FTO: variants seen among roughly 807,000 people sequenced by gnomAD.
FTO encodes FTO alpha-ketoglutarate dependent dioxygenase, also known as alpha-ketoglutarate-dependent dioxygenase FTO.
In FTO, 47 loss-of-function variants were observed where a neutral mutation model predicts 63.9. The observed-to-expected ratio is 0.74, with a 90% CI of 0.58 to 0.94. The LOEUF is 0.94. FTO is among the 40% of genes least tolerant of loss of function. The pLI is 0.00. For synonymous variants in FTO, 207 were observed against 224.4 expected (o/e 0.92, Z 0.69); for missense variants, 562 against 618.1 (o/e 0.91, Z 0.96).
intron 5 of FTO, among the ~76,000 whole-genome samples, chr16:53,876,809 C>A (rs1368933753): frequency 6.6e-6 from 1 of 152,150 alleles, no homozygotes; most frequent in African/African-American, 2.4e-5. Context: ...TGCCTGTAAT[C>A]CCAGCTATTC....
At chr16:53,931,651 C>G (rs898131323) in intron 7 of FTO, among the ~76,000 whole-genome samples, 1 of 151,952 alleles carries the variant, frequency 6.6e-6, no homozygotes, top group Non-Finnish European at 1.5e-5. Flanking sequence ...ACTTTAAGAA[C>G]ATGAAGTAGG....
chr16:53,913,212 T>A (rs2081760262), intron 7 of FTO, among the ~76,000 whole-genome samples: 1 of 152,250 alleles, frequency 6.6e-6, no homozygotes, highest in South Asian at 2.1e-4. Flanking sequence ...AAAGAAACAC[T>A]TCTGTCTTGT....
intron 1 of FTO, among the ~76,000 whole-genome samples, chr16:53,742,935 A>G (rs1290039216): frequency 1.3e-5 from 2 of 152,170 alleles, no homozygotes; most frequent in Non-Finnish European, 2.9e-5. Flanking sequence ...TGGTCTCTTC[A>G]TCTCTAACTC....
intron 1 of FTO, among the ~76,000 whole-genome samples, chr16:53,792,075 CA>C (rs10606857): frequency 0.36 from 49,774 of 137,950 alleles, 8,796 homozygotes; most frequent in East Asian, 0.58. Context: ...GACTTCGTCT[CA>C]AAAAAAAAAA....
chr16:53,827,607 C>T (rs1226162923), intron 3 of FTO, among the ~76,000 whole-genome samples: 1 of 152,032 alleles, frequency 6.6e-6, no homozygotes. Flanking sequence ...TTACAATTTC[C>T]CAGTCTCAAA....
At chr16:53,915,938 GGAATTCATGCCAAC>G (rs2081854174) in intron 7 of FTO, among the ~76,000 whole-genome samples, 1 of 152,214 alleles carries the variant, frequency 6.6e-6, no homozygotes, top group African/African-American at 2.4e-5. Flanking sequence ...GAGTTAAGTA[GGAATTCATGCCAAC>G]CGCAGCAGTA....
chr16:53,962,961 A>T (rs1357443255), intron 8 of FTO, among the ~76,000 whole-genome samples: 5 of 152,206 alleles, frequency 3.3e-5, no homozygotes, highest in Non-Finnish European at 5.9e-5. Flanking sequence ...TAGAAGATTT[A>T]TTTTCCCACG....
chr16:54,083,469 G>A (rs1163202038), intron 8 of FTO, among the ~76,000 whole-genome samples: 2 of 152,132 alleles, frequency 1.3e-5, no homozygotes, highest in Non-Finnish European at 2.9e-5. Flanking sequence ...TTTATCTTAA[G>A]GGAAACTGTC....
intron 4 of FTO, among the ~76,000 whole-genome samples, chr16:53,860,750 C>T (rs2080151168): frequency 6.6e-6 from 1 of 152,096 alleles, no homozygotes; most frequent in African/African-American, 2.4e-5. Context: ...GAACTCATCT[C>T]CAACACTGGG....
At chr16:53,895,999 TG>T (rs1481346426) in intron 7 of FTO, among the ~76,000 whole-genome samples, 1 of 152,114 alleles carries the variant, frequency 6.6e-6, no homozygotes, top group Non-Finnish European at 1.5e-5. Context: ...CACACGCACA[TG>T]TGCACACACA....
At chr16:54,095,706 G>A (rs1286371176) in intron 8 of FTO, among the ~76,000 whole-genome samples, 1 of 152,110 alleles carries the variant, frequency 6.6e-6, no homozygotes, top group African/African-American at 2.4e-5. Flanking sequence ...TCAAAGAGGA[G>A]GTAAGGGGAT....
chr16:53,924,196 G>A (rs765111526), intron 7 of FTO, among the ~76,000 whole-genome samples: 2 of 152,116 alleles, frequency 1.3e-5, no homozygotes, highest in Non-Finnish European at 2.9e-5. Context: ...ACTGTGCTAA[G>A]CACTTTACAT....
intron 2 of FTO, among the ~76,000 whole-genome samples, chr16:53,815,679 C>A (rs184864065): frequency 7.5e-6 from 1 of 132,948 alleles, no homozygotes; most frequent in Non-Finnish European, 1.5e-5. Context: ...GACAGAGTCC[C>A]GCTCTGTCAC....
chr16:53,944,904 A>G (rs2082619652), intron 8 of FTO, among the ~76,000 whole-genome samples: 1 of 152,170 alleles, frequency 6.6e-6, no homozygotes, highest in African/African-American at 2.4e-5. Context: ...TGAAGTAAAT[A>G]TCCTAGCCTC....
chr16:53,849,099 GT>G (rs2079714352), intron 4 of FTO, among the ~76,000 whole-genome samples: 1 of 152,094 alleles, frequency 6.6e-6, no homozygotes, highest in African/African-American at 2.4e-5. Context: ...TCTTTACCTT[GT>G]CAACAGTTTA....
intron 8 of FTO, among the ~76,000 whole-genome samples, chr16:53,950,853 G>T (rs990570080): frequency 5.1e-4 from 77 of 152,338 alleles, no homozygotes; most frequent in African/African-American, 1.8e-3. Flanking sequence ...AGAGTTCTCA[G>T]TGAGGCAGCT....
rs145884431 is a variant in FTO, at chr16:53,826,227, G to A, written c.487G>A (p.Ala163Thr). 2.1e-3 allele frequency: 3,396 copies of A among 1,614,198 alleles called. 14 individuals carry two copies. Among genetic ancestry groups the A allele is most frequent in the Middle Eastern group, 9.1e-3 (55 of 6,062 alleles). The change falls in exon 3 of 9, where the codon GCT (alanine) becomes ACT (threonine). Residue 163 changes from alanine to threonine, a missense_variant. Transcript: ENST00000471389. ...ALEELAAKEK[A>T]NEDAVPLCMS... ...GGAAGAACTTGCTGCCAAAGAGAAG[G>A]CTAATGAGGATGCTGTGCCATTGTG...
At chr16:54,108,331 G>A (rs189871971) in intron 8 of FTO, among the ~76,000 whole-genome samples, 7 of 152,260 alleles carry the variant, frequency 4.6e-5, no homozygotes, top group African/African-American at 1.7e-4. Context: ...TCAATCCTAG[G>A]TCTTCAGGAA....
chr16:53,888,950 TG>T lies in FTO; in HGVS notation c.1239+1del, dbSNP rs1236327446. 1 of 1,613,874 alleles carries T rather than the reference TG, an allele frequency of 6.2e-7. No individual in the cohort carries two copies. Among genetic ancestry groups the T allele is most frequent in the Non-Finnish European group, 8.5e-7 (1 of 1,179,886 alleles). ...GCACTGTGGAAGAAGATGGAGGGTG[TG>T]GTAAGTCCATCAGACCTGGGACCGT... ...LEALWKKMEG[V>X]TNAVLHEVKR... On this transcript the variant is annotated frameshift_variant and splice_region_variant, in exon 7 of 9. Transcript: ENST00000471389. LOFTEE classifies it high-confidence loss of function.
Sources: allele counts gnomAD v4.1 joint callset (sites outside exome capture counted in the v4.1 genomes callset), GRCh38; gene constraint gnomAD v4.1.1; transcripts MANE v1.5; gene names NCBI Gene and HGNC (gene_info 2026-07-23, HGNC 2026-07-21).